GFOD1: variants seen among roughly 807,000 people sequenced by gnomAD.
GFOD1 encodes glucose-fructose oxidoreductase domain-containing protein 1.
A neutral mutation model predicts 25.4 loss-of-function variants in GFOD1; 9 were observed. The ratio of observed to expected loss-of-function variants is 0.35; its 90% CI spans 0.21 to 0.62. The LOEUF (loss-of-function observed/expected upper bound fraction) is 0.62, where lower values mean the gene tolerates loss of function less well. GFOD1 is among the 20% of genes least tolerant of loss of function. The pLI is 0.72. For synonymous variants in GFOD1, 253 were observed against 245.6 expected (o/e 1.03, Z -0.28); for missense variants, 403 against 556.9 (o/e 0.72, Z 2.78).
chr6:13,441,284 G>C (rs2127572034), intron 1 of GFOD1, among the ~76,000 whole-genome samples: 1 of 152,198 alleles, frequency 6.6e-6, no homozygotes, highest in East Asian at 1.9e-4. Context: ...CACACCTATG[G>C]GCTCTGACTT....
intron 1 of GFOD1, among the ~76,000 whole-genome samples, chr6:13,427,087 C>A (rs188747829): frequency 6.6e-6 from 1 of 152,182 alleles, no homozygotes; most frequent in East Asian, 1.9e-4. Context: ...TGTGATTGGA[C>A]CTCACAGGAC....
At position 13,430,654 on chromosome 6, in the gene GFOD1, G is replaced by A. The variant is rs918173415; in HGVS notation, c.253+55984C>T. On this transcript the variant is annotated intron_variant, in intron 1 of 1. Transcript: ENST00000379287. The surrounding 1 kb of genome is among the most constrained non-coding windows in gnomAD (Gnocchi z 4.1). Reference sequence around the variant, plus strand: ...GAAGACTTAATGAAAGAAGCTCTTGGAGTCCACCTATGGCAGGAGTAGTGG... The same window carrying A: ...GAAGACTTAATGAAAGAAGCTCTTGAAGTCCACCTATGGCAGGAGTAGTGG... 1.3e-5 allele frequency among the ~76,000 whole-genome samples: 2 copies of A among 152,024 alleles called. No homozygotes were observed. Among genetic ancestry groups the A allele is most frequent in the African/African-American group, 4.8e-5 (2 of 41,390 alleles).
chr6:13,407,937 CAACCA>C, intron 1 of GFOD1: 1 of 985,140 alleles, frequency 1.0e-6, no homozygotes, highest in Non-Finnish European at 1.2e-6. Context: ...GGAGATTGCC[CAACCA>C]AAGAGCAGAA....
intron 1 of GFOD1, among the ~76,000 whole-genome samples, chr6:13,416,497 AG>A (rs1361105652): frequency 6.6e-6 from 1 of 152,206 alleles, no homozygotes; most frequent in Non-Finnish European, 1.5e-5. Flanking sequence ...AGGAATGATG[AG>A]AAGAAGCTAG....
In GFOD1 at chr6:13,386,453, TGCCAGCA is replaced by T. The variant is rs552661692; in HGVS notation, c.254-20798_254-20792del. On this transcript the variant is annotated intron_variant, in intron 1 of 1. Coordinates refer to ENST00000379287, the MANE Select transcript of GFOD1 (RefSeq NM_018988.4). ...ACTTCGGAGGACATGCGGCTGTCCC[TGCCAGCA>T]GCCAGCAGCCAGCGTCAGCAGAAGT... Among the ~76,000 whole-genome samples, 1,125 of 152,306 alleles carry T rather than the reference TGCCAGCA, an allele frequency of 7.4e-3. 11 individuals carry two copies. The highest frequency in any genetic ancestry group is 0.01 in the Non-Finnish European group (707 of 68,020).
At chr6:13,431,921 A>G (rs1455847073) in intron 1 of GFOD1, among the ~76,000 whole-genome samples, 3 of 152,210 alleles carry the variant, frequency 2.0e-5, no homozygotes, top group Non-Finnish European at 4.4e-5. Flanking sequence ...GGCAGATTTC[A>G]TGAAAAAAGC....
chr6:13,477,842 G>C (rs1758661028), intron 1 of GFOD1, among the ~76,000 whole-genome samples: 1 of 151,972 alleles, frequency 6.6e-6, no homozygotes, highest in Admixed American at 6.6e-5. Flanking sequence ...GAGGCGGGTG[G>C]ATCACCTGAG....
chr6:13,470,814 C>T (rs1474071431), intron 1 of GFOD1, among the ~76,000 whole-genome samples: 1 of 152,180 alleles, frequency 6.6e-6, no homozygotes. Context: ...GGGCAGCACA[C>T]TGTAGTGTGT....
chr6:13,479,799 C>T (rs1366530646), intron 1 of GFOD1, among the ~76,000 whole-genome samples: 2 of 152,172 alleles, frequency 1.3e-5, no homozygotes, highest in Admixed American at 1.3e-4. Context: ...AGGGCTTCCT[C>T]GGCTCTACGA....
intron 1 of GFOD1, among the ~76,000 whole-genome samples, chr6:13,407,757 T>G (rs1562208755): frequency 6.6e-6 from 1 of 152,216 alleles, no homozygotes; most frequent in Non-Finnish European, 1.5e-5. Flanking sequence ...GCTCAGAGGA[T>G]CAGCTATTAC....
At chr6:13,369,039 A>G (rs1312916185) in intron 1 of GFOD1, among the ~76,000 whole-genome samples, 1 of 152,228 alleles carries the variant, frequency 6.6e-6, no homozygotes, top group Non-Finnish European at 1.5e-5. Context: ...AACTGCAATT[A>G]CTTTTGCACC....
At position 13,487,316 on chromosome 6, in the gene GFOD1, G is replaced by T. The variant is rs777110948; in HGVS notation, c.-426C>A. 102 of 174,222 alleles carry T rather than the reference G, an allele frequency of 5.9e-4. No homozygotes were observed. Among genetic ancestry groups the T allele is most frequent in the Non-Finnish European group, 1.0e-3 (86 of 83,408 alleles). 10.8% of individuals were successfully genotyped at this position (174,222 alleles called of 1,614,324 possible). A position where few individuals can be genotyped will look rare whatever the true frequency, so the allele number is the denominator to read the frequency against. On this transcript the variant is annotated 5_prime_UTR_variant, in exon 1 of 2. Transcript: ENST00000379287. The surrounding 1 kb of genome is among the most constrained non-coding windows in gnomAD (Gnocchi z 4.9). ...CCCGGGACCGGCTCTCTCCCGCGTC[G>T]TTTGCGCAGCCGGCGAATCGCACAG...
chr6:13,416,021 C>A (rs544957283), intron 1 of GFOD1, among the ~76,000 whole-genome samples: 1 of 152,144 alleles, frequency 6.6e-6, no homozygotes, highest in Non-Finnish European at 1.5e-5. Flanking sequence ...GTGTCACTTC[C>A]CTGGTGGGTA....
In GFOD1 at chr6:13,487,001, G is replaced by T; in HGVS notation, c.-111C>A. 6.0e-6 allele frequency: 8 copies of T among 1,336,680 alleles called. No individual in the cohort carries two copies. Among genetic ancestry groups the T allele is most frequent in the Non-Finnish European group, 8.0e-6 (8 of 994,364 alleles). 82.8% of individuals were successfully genotyped at this position (1,336,680 alleles called of 1,614,324 possible). A position where few individuals can be genotyped will look rare whatever the true frequency, so the allele number is the denominator to read the frequency against. On this transcript the variant is annotated 5_prime_UTR_variant, in exon 1 of 2. Coordinates refer to ENST00000379287, the MANE Select transcript of GFOD1 (RefSeq NM_018988.4). The surrounding 1 kb of genome is among the most constrained non-coding windows in gnomAD (Gnocchi z 4.9). Reference sequence around the variant, plus strand: ...CCGCTCCTGTAGCCAATCTAGCCGCGGTGCGCCAGCCGCCGTGCACCGGGC... The same window carrying T: ...CCGCTCCTGTAGCCAATCTAGCCGCTGTGCGCCAGCCGCCGTGCACCGGGC...
In GFOD1 at chr6:13,486,669, G is replaced by T; in HGVS notation, c.222C>A (p.Pro74=). ...VDLVCINLPP[P]LTRQIAVKTL... Reference sequence around the variant, plus strand: ...TTTTGACAGCGATCTGTCTGGTGAGGGGCGGCGGCAGGTTAATGCACACCA... The same window carrying T: ...TTTTGACAGCGATCTGTCTGGTGAGTGGCGGCGGCAGGTTAATGCACACCA... Residue 74 remains proline, a synonymous_variant, in exon 1 of 2, where the codon CCC becomes CCA. Transcript: ENST00000379287. 6.2e-7 allele frequency: 1 copy of T among 1,614,102 alleles called. No homozygotes were observed. Among genetic ancestry groups the T allele is most frequent in the Non-Finnish European group, 8.5e-7 (1 of 1,179,998 alleles).
intron 1 of GFOD1, among the ~76,000 whole-genome samples, chr6:13,409,282 CAGAG>C (rs962113863): frequency 1.3e-5 from 1 of 76,700 alleles, no homozygotes; most frequent in African/African-American, 3.9e-5. Context: ...GATAGAGAGA[CAGAG>C]AGGAAGGAAG....
Position 13,433,276 on chromosome 6 carries a change from C to T in GFOD1, c.253+53362G>A, listed in dbSNP as rs148202826. 5.0e-3 allele frequency among the ~76,000 whole-genome samples: 763 copies of T among 152,240 alleles called. 5 individuals are homozygous for T. The highest frequency in any genetic ancestry group is 0.017 in the African/African-American group (698 of 41,546). Reference sequence around the variant, plus strand: ...CTGGGATTACATGCACCTGCCACCACGCCTGGCTAATTGTTTGTATTTAGT... The same window carrying T: ...CTGGGATTACATGCACCTGCCACCATGCCTGGCTAATTGTTTGTATTTAGT... On this transcript the variant is annotated intron_variant, in intron 1 of 1. Coordinates refer to ENST00000379287, the MANE Select transcript of GFOD1 (RefSeq NM_018988.4).
Position 13,402,094 on chromosome 6 carries a change from C to T in GFOD1, c.254-36432G>A, listed in dbSNP as rs570016516. Among the ~76,000 whole-genome samples the T allele has an allele frequency of 3.3e-5, 5 of 152,260 alleles. No homozygotes were observed. The South Asian group carries it at 6.2e-4, about 19-fold the overall frequency. Reference sequence around the variant, plus strand: ...CCAAAAAATTCAATGGGAAAAGAATCGTCTTTTTAACAAGTGGTGCTAGAA... The same window carrying T: ...CCAAAAAATTCAATGGGAAAAGAATTGTCTTTTTAACAAGTGGTGCTAGAA... On this transcript the variant is annotated intron_variant, in intron 1 of 1. Transcript: ENST00000379287.
intron 1 of GFOD1, among the ~76,000 whole-genome samples, chr6:13,388,073 T>A (rs1318355980): frequency 6.6e-6 from 1 of 152,208 alleles, no homozygotes; most frequent in African/African-American, 2.4e-5. Context: ...GAAGGACCTC[T>A]TCAAGGAGAA....
Sources: allele counts gnomAD v4.1 joint callset (sites outside exome capture counted in the v4.1 genomes callset), GRCh38; gene constraint gnomAD v4.1.1; non-coding constraint Gnocchi (gnomAD v3.1); transcripts MANE v1.5; gene names NCBI Gene and HGNC (gene_info 2026-07-23, HGNC 2026-07-21).